The following CEACAM1 variants were observed in gnomAD, a reference collection of about 807,000 sequenced individuals.
CEACAM1 encodes the protein cell adhesion molecule CEACAM1.
Under a neutral mutation model 49.1 loss-of-function variants are expected in CEACAM1, and 31 were observed. The ratio of observed to expected loss-of-function variants is 0.63; its 90% CI spans 0.47 to 0.85. The LOEUF is 0.85. CEACAM1 is among the 40% of genes least tolerant of loss of function. The pLI is 0.00. For missense variants in CEACAM1, 570 were observed against 645.3 expected, an observed-to-expected ratio of 0.88 and a Z score of 1.26; for synonymous variants, 244 against 247.8, an observed-to-expected ratio of 0.98 and a Z score of 0.14.
At chr19:42,516,214 G>T (rs2041596386) in intron 5 of CEACAM1, among the ~76,000 whole-genome samples, 1 of 151,984 alleles carries the variant, frequency 6.6e-6, no homozygotes, top group Non-Finnish European at 1.5e-5. Context: ...ATCTAGATTG[G>T]AAAGAAGTAA....
rs1290522279 is a variant in CEACAM1 at position 42,507,611 on chromosome 19, T to C, written c.*1498A>G. 2 of 152,252 alleles carry C rather than the reference T, an allele frequency of 1.3e-5. No individual in the cohort carries two copies. The highest frequency in any genetic ancestry group is 6.5e-5 in the Admixed American group (1 of 15,288). 9.4% of individuals were successfully genotyped at this position (152,252 alleles called of 1,614,324 possible). A position where few individuals can be genotyped will look rare whatever the true frequency, so the allele number is the denominator to read the frequency against. ...TAGAAGACTGGGTGAGAAGTACATT[T>C]GCCTGTCTTCCTCCTGTCCTTCCTT... On this transcript the variant is annotated 3_prime_UTR_variant, in exon 9 of 9. Transcript: ENST00000161559.
chr19:42,526,364 G>A (rs16975890), intron 2 of CEACAM1, among the ~76,000 whole-genome samples: 17,545 of 152,158 alleles, frequency 0.12, 1,165 homozygotes, highest in Middle Eastern at 0.21. Flanking sequence ...TCCTGGGGAT[G>A]GTAAACTTCC....
intron 8 of CEACAM1, among the ~76,000 whole-genome samples, chr19:42,510,638 T>C (rs934036622): frequency 2.6e-5 from 4 of 152,240 alleles, no homozygotes; most frequent in African/African-American, 9.6e-5. Context: ...TCAAAGAGGT[T>C]AAGTTACTTG....
At position 42,527,311 on chromosome 19, in the gene CEACAM1, G is replaced by C; in HGVS notation, c.154C>G (p.Leu52Val). 1 of 1,614,162 alleles carries C rather than the reference G, an allele frequency of 6.2e-7. No homozygotes were observed. The highest frequency in any genetic ancestry group is 1.1e-5 in the South Asian group (1 of 91,084). ...TGGGGCAGATTGTGGACAAGGAGAA[G>C]AACCTCCTTCCCCTCTGCAACATTG... ...PFNVAEGKEV[L>V]LLVHNLPQQL... The change falls in exon 2 of 9, where the codon CTT becomes GTT. Residue 52 changes from leucine (L) to valine (V), a missense_variant. By Grantham distance (32) the Leu-to-Val change is conservative. Transcript: ENST00000161559.
intron 1 of CEACAM1, 66 bp downstream of exon 1, chr19:42,528,245 C>G: frequency 6.9e-7 from 1 of 1,441,426 alleles, no homozygotes; most frequent in Non-Finnish European, 9.6e-7. Flanking sequence ...TCCATCCTCC[C>G]CAGAGGACCC....
intron 5 of CEACAM1, chr19:42,518,742 C>T (rs897321606): frequency 1.1e-4 from 67 of 596,590 alleles, no homozygotes; most frequent in Non-Finnish European, 1.6e-4. Context: ...CCTCGTGATC[C>T]GCCCGCCTTG....
At chr19:42,511,111 G>A in intron 7 of CEACAM1, 191 bp from the exon 8 acceptor site, 1 of 618,290 alleles carries the variant, frequency 1.6e-6, no homozygotes, top group Middle Eastern at 3.5e-4. Context: ...AACCACAGGA[G>A]GCCACAATCC....
intron 2 of CEACAM1, among the ~76,000 whole-genome samples, chr19:42,525,223 C>A (rs1033123944): frequency 4.8e-4 from 66 of 136,298 alleles, no homozygotes; most frequent in Admixed American, 1.2e-3. Flanking sequence ...TAGGCCTGAA[C>A]ATTTTTTTTT....
rs547845907 is a variant in CEACAM1 at position 42,509,113 on chromosome 19, T to C, written c.1577A>G (p.Gln526Arg). ...CAGTGAGCAGGACAGGTTTCATTAC[T>C]GCTTTTTTACTTCTGAATAAATTAT... Reference protein sequence around the residue: ...TEIIYSEVKKQ With the variant: ...TEIIYSEVKKR Residue 526 changes from glutamine to arginine, a missense_variant, in exon 9 of 9, where the codon CAG becomes CGG. By Grantham distance (43) the Gln-to-Arg change is conservative (BLOSUM62 1). Transcript: ENST00000161559. The C allele has an allele frequency of 6.2e-7, 1 of 1,614,200 alleles. No homozygotes were observed. The highest frequency in any genetic ancestry group is 1.7e-5 in the Admixed American group (1 of 60,028).
chr19:42,515,086 T>G (rs2041566642), intron 5 of CEACAM1: 1 of 661,854 alleles, frequency 1.5e-6, no homozygotes, highest in Non-Finnish European at 2.8e-6. Context: ...CTGGGTAACA[T>G]GGTGAGATTC....
rs1455915670 is a variant in CEACAM1 at position 42,521,332 on chromosome 19, G to A, written c.893C>T (p.Thr298Ile). 2.5e-6 allele frequency: 4 copies of A among 1,614,088 alleles called. No homozygotes were observed. The highest frequency in any genetic ancestry group is 2.2e-5 in the South Asian group (2 of 91,088). Residue 298 changes from threonine to isoleucine, a missense_variant, in exon 4 of 9, where the codon ACC (threonine) becomes ATC (isoleucine). Thr to Ile is a moderately conservative substitution (Grantham distance 89). Coordinates refer to ENST00000161559, the MANE Select transcript of CEACAM1 (RefSeq NM_001712.5). The stretch of plus-strand genomic sequence containing the variant: ...AGTGACTGAGTTATTGGCGTGGCAG[G>A]TATAGGATCCACTATTATTCACAGT... ...NITVNNSGSY[T>I]CHANNSVTGC...
intron 5 of CEACAM1, among the ~76,000 whole-genome samples, chr19:42,517,794 G>T (rs904526880): frequency 3.3e-5 from 5 of 152,150 alleles, no homozygotes; most frequent in Non-Finnish European, 7.3e-5. Flanking sequence ...AATTAAACAG[G>T]ATTACCATTT....
intron 2 of CEACAM1, among the ~76,000 whole-genome samples, chr19:42,523,611 A>G (rs1374870074): frequency 6.6e-6 from 1 of 152,220 alleles, no homozygotes; most frequent in Non-Finnish European, 1.5e-5. Flanking sequence ...ATGCAGAATA[A>G]CCAGCTAGTG....
rs1416629114 is a variant in CEACAM1 at position 42,519,101 on chromosome 19, T to A, written c.1093A>T (p.Ser365Cys). 2 of 1,614,170 alleles carry A rather than the reference T, an allele frequency of 1.2e-6. No individual in the cohort carries two copies. The highest frequency in any genetic ancestry group is 8.5e-7 in the Non-Finnish European group (1 of 1,180,036). ...ISIRWFFKNQ[S>C]LPSSERMKLS... is the part of the protein sequence containing the mutation. ...TTCATCCTCTCCGAGGACGGGAGACTCTGGTTTTTGAAGAACCAACGGATG... is the reference window on the plus strand; with the variant it reads ...TTCATCCTCTCCGAGGACGGGAGACACTGGTTTTTGAAGAACCAACGGATG... Residue 365 changes from serine to cysteine, a missense_variant, in exon 5 of 9, where the codon AGT (serine) becomes TGT (cysteine). By Grantham distance (112) the Ser-to-Cys change is moderately radical. Coordinates refer to ENST00000161559, the MANE Select transcript of CEACAM1 (RefSeq NM_001712.5).
At position 42,522,027 on chromosome 19, in the gene CEACAM1, G is replaced by C; in HGVS notation, c.600C>G (p.Leu200=). 6.2e-7 allele frequency: 1 copy of C among 1,614,228 alleles called. No individual in the cohort carries two copies. Among genetic ancestry groups the C allele is most frequent in the Non-Finnish European group, 8.5e-7 (1 of 1,180,036 alleles). Residue 200 remains leucine, a synonymous_variant, in exon 3 of 9, where the codon CTC becomes CTG. Coordinates refer to ENST00000161559, the MANE Select transcript of CEACAM1 (RefSeq NM_001712.5). ...RLQLSNGNRT[L]TLLSVTRNDT... ...CATTCCTTGTGACACTGAGTAGAGT[G>C]AGGGTCCTGTTGCCATTGGACAGCT...
In CEACAM1 at chr19:42,518,842, T is replaced by C. The variant is rs894166610; in HGVS notation, c.1246+106A>G. The stretch of plus-strand genomic sequence containing the variant: ...CACTTTGCAATTCTGTTTGCTATAA[T>C]GGTCTCTTCATTGATATTCTGCCTC... On this transcript the variant is annotated intron_variant, in intron 5 of 8. Coordinates refer to ENST00000161559, the MANE Select transcript of CEACAM1 (RefSeq NM_001712.5). 1.2e-5 allele frequency: 16 copies of C among 1,284,544 alleles called. No homozygotes were observed. The African/African-American group carries it at 2.3e-4, about 19-fold the overall frequency. The allele number at this position is 1,284,544 out of a possible 1,614,324, so 79.6% of individuals were successfully genotyped here.
Position 42,527,292 on chromosome 19 carries a change from A to C in CEACAM1, c.173T>G (p.Leu58Arg), listed in dbSNP as rs1400078742. ...GKEVLLLVHN[L>R]PQQLFGYSWY... The stretch of plus-strand genomic sequence containing the variant: ...GCTGTAGCCAAAAAGTTGCTGGGGC[A>C]GATTGTGGACAAGGAGAAGAACCTC... Residue 58 changes from leucine (L) to arginine (R), a missense_variant, in exon 2 of 9, where the codon CTG (leucine) becomes CGG (arginine). Physicochemically the swap from Leu to Arg is moderately radical, Grantham distance 102. Transcript: ENST00000161559. 6 of 1,613,952 alleles carry C rather than the reference A, an allele frequency of 3.7e-6. 1 individual carries two copies. The East Asian group carries it at 1.3e-4, about 36-fold the overall frequency.
At chr19:42,525,202 G>A (rs1321430113) in intron 2 of CEACAM1, among the ~76,000 whole-genome samples, 1 of 151,150 alleles carries the variant, frequency 6.6e-6, no homozygotes, top group Non-Finnish European at 1.5e-5. Flanking sequence ...AGAGGTGTGG[G>A]TCTGAGGGGA....
intron 8 of CEACAM1, among the ~76,000 whole-genome samples, chr19:42,510,003 G>T (rs2041418022): frequency 6.6e-6 from 1 of 152,174 alleles, no homozygotes; most frequent in Non-Finnish European, 1.5e-5. Context: ...TGTTCAACTT[G>T]TGAAAGTTCA....
Sources: gnomAD v4.1 joint callset for allele counts (sites outside exome capture counted in the v4.1 genomes callset) on GRCh38, gnomAD v4.1.1 for gene constraint, MANE v1.5 for transcripts, NCBI Gene and HGNC (gene_info 2026-07-23, HGNC 2026-07-21) for gene names.